The following TAP2 variants were observed in gnomAD, a reference collection of about 807,000 sequenced individuals.
TAP2 encodes transporter 2, ATP binding cassette subfamily B member, also known as antigen peptide transporter 2.
In TAP2, 49 loss-of-function variants were observed where a neutral mutation model predicts 74.7. The ratio of observed to expected loss-of-function variants is 0.66; its 90% CI spans 0.52 to 0.83. The LOEUF (loss-of-function observed/expected upper bound fraction) is 0.83, where lower values mean the gene tolerates loss of function less well. Among genes scored for constraint, TAP2 ranks in the 40% least tolerant of loss-of-function variants. TAP2 has a pLI of 0.00. For synonymous variants in TAP2, 306 were observed against 368.4 expected, an observed-to-expected ratio of 0.83 and a Z score of 1.94; for missense variants, 739 against 859.0, an observed-to-expected ratio of 0.86 and a Z score of 1.75.
chr6:32,826,937 G>C lies in TAP2; in HGVS notation c.*1969C>G, dbSNP rs1768689188. On this transcript the variant is annotated 3_prime_UTR_variant, in exon 12 of 12. Coordinates refer to ENST00000374897, the MANE Select transcript of TAP2 (RefSeq NM_001290043.2). ...ATGAATAAAGGACATTTGTGGGAGA[G>C]AAAGGAATCAGGCCAGAGTTCTTTC... The C allele has an allele frequency of 1.0e-6, 1 of 985,264 alleles. No homozygotes were observed. The highest frequency in any genetic ancestry group is 4.7e-5 in the South Asian group (1 of 21,288). The allele number at this position is 985,264 out of a possible 1,614,324, so 61.0% of individuals were successfully genotyped here. A position where few individuals can be genotyped will look rare whatever the true frequency, so the allele number is the denominator to read the frequency against.
Position 32,826,891 on chromosome 6 carries a change from A to T in TAP2, c.*2015T>A. 2 of 985,448 alleles carry T rather than the reference A, an allele frequency of 2.0e-6. No individual in the cohort carries two copies. The highest frequency in any genetic ancestry group is 2.4e-6 in the Non-Finnish European group (2 of 829,942). The allele number at this position is 985,448 out of a possible 1,614,324, so 61.0% of individuals were successfully genotyped here. ...CAGCTTCCATGTAGTTGGGAGATAC[A>T]GGAATTATTATTCCTGTTTTATGAA... On this transcript the variant is annotated 3_prime_UTR_variant, in exon 12 of 12. Transcript: ENST00000374897.
At position 32,827,910 on chromosome 6, in the gene TAP2, G is replaced by A; in HGVS notation, c.*996C>T. The A allele has an allele frequency of 1.0e-6, 1 of 960,026 alleles. No individual in the cohort carries two copies. The highest frequency in any genetic ancestry group is 1.2e-6 in the Non-Finnish European group (1 of 807,568). The allele number at this position is 960,026 out of a possible 1,614,324, so 59.5% of individuals were successfully genotyped here. A position where few individuals can be genotyped will look rare whatever the true frequency, so the allele number is the denominator to read the frequency against. Reference sequence around the variant, plus strand: ...GGTGATGGGATCATCTTAAGTCTATGAGTGAAGACTATAACAACGGGACTG... The same window carrying A: ...GGTGATGGGATCATCTTAAGTCTATAAGTGAAGACTATAACAACGGGACTG... On this transcript the variant is annotated 3_prime_UTR_variant, in exon 12 of 12. Transcript: ENST00000374897.
chr6:32,830,972 C>T (rs770457456), intron 7 of TAP2, among the ~76,000 whole-genome samples, 166 bp from the exon 8 acceptor site: 3 of 152,206 alleles, frequency 2.0e-5, no homozygotes, highest in Non-Finnish European at 4.4e-5. Flanking sequence ...AAAAGTGGCA[C>T]CAATACCCCA....
At chr6:32,822,314 G>C (rs533586406), downstream of TAP2, 15 of 1,522,934 alleles carry the variant, frequency 9.8e-6, no homozygotes, top group South Asian at 2.4e-5. Flanking sequence ...CTTCCAAAGG[G>C]TTTTCTAGAA....
Position 32,827,325 on chromosome 6 carries a change from T to C in TAP2, c.*1581A>G, listed in dbSNP as rs1022808426. The C allele has an allele frequency of 3.0e-6, 3 of 985,246 alleles. No homozygotes were observed. Among genetic ancestry groups the C allele is most frequent in the Non-Finnish European group, 3.6e-6 (3 of 829,800 alleles). The allele number at this position is 985,246 out of a possible 1,614,324, so 61.0% of individuals were successfully genotyped here. On this transcript the variant is annotated 3_prime_UTR_variant, in exon 12 of 12. Transcript: ENST00000374897. ...TAAGATTAGTACGATGGTGGAGATATTTATTCATTTATTCAATTGACTATT... is the reference window on the plus strand; with the variant it reads ...TAAGATTAGTACGATGGTGGAGATACTTATTCATTTATTCAATTGACTATT...
In TAP2 at chr6:32,828,681, A is replaced by ACACCCCCCCCCACC; in HGVS notation, c.*224_*225insGGTGGGGGGGGGTG. ...AGTTTCCTGGACACAGACAGCCCCC[A>ACACCCCCCCCCACC]CCCCACCCCACCCCACCTCTCTACC... is the stretch of plus-strand genomic sequence containing the variant. On this transcript the variant is annotated 3_prime_UTR_variant, in exon 12 of 12. Transcript: ENST00000374897. 1.6e-6 allele frequency: 1 copy of ACACCCCCCCCCACC among 606,174 alleles called. No individual in the cohort carries two copies. Among genetic ancestry groups the ACACCCCCCCCCACC allele is most frequent in the South Asian group, 6.1e-5 (1 of 16,484 alleles). The allele number at this position is 606,174 out of a possible 1,614,324, so 37.5% of individuals were successfully genotyped here.
downstream of TAP2, among the ~76,000 whole-genome samples, chr6:32,823,914 C>A (rs1768472576): frequency 6.6e-6 from 1 of 151,986 alleles, no homozygotes; most frequent in Admixed American, 6.6e-5. Context: ...TAGATAATTC[C>A]TATTAGTTTT....
Position 32,828,769 on chromosome 6 carries a change from C to T in TAP2, c.*137G>A. On this transcript the variant is annotated 3_prime_UTR_variant, in exon 12 of 12. Transcript: ENST00000374897. ...CTGCAACTCAGGAACAGCTATCTGG[C>T]CGCACAGCTCTAGGGAAACTCAAAG... The T allele has an allele frequency of 1.7e-6, 2 of 1,143,366 alleles. No homozygotes were observed. The highest frequency in any genetic ancestry group is 2.1e-5 in the South Asian group (1 of 48,250). 70.8% of individuals were successfully genotyped at this position (1,143,366 alleles called of 1,614,324 possible).
intron 8 of TAP2, 77 bp downstream of exon 8, chr6:32,830,541 G>C: frequency 1.9e-6 from 3 of 1,602,982 alleles, no homozygotes; most frequent in African/African-American, 1.3e-5. Context: ...AGAGGCAAAT[G>C]AACTATAGGC....
At chr6:32,837,441 T>A in intron 3 of TAP2, 96 bp downstream of exon 3, 1 of 993,582 alleles carries the variant, frequency 1.0e-6, no homozygotes, top group Non-Finnish European at 1.6e-6. Context: ...TATTTTTGTG[T>A]TTTGCGCCTG....
downstream of TAP2, among the ~76,000 whole-genome samples, chr6:32,822,916 AC>A (rs1768385943): frequency 9.2e-6 from 1 of 108,526 alleles, no homozygotes; most frequent in Non-Finnish European, 1.8e-5. Context: ...CTGTGTTCAT[AC>A]TTTTTTTTTT....
chr6:32,837,484 G>T, intron 3 of TAP2, 53 bp downstream of exon 3: 2 of 1,459,726 alleles, frequency 1.4e-6, no homozygotes, highest in Non-Finnish European at 1.9e-6. Flanking sequence ...GGGAAGTGAA[G>T]ACCCCTATAA....
In TAP2 at chr6:32,827,443, G is replaced by A; in HGVS notation, c.*1463C>T. The A allele has an allele frequency of 1.4e-6, 1 of 704,800 alleles. No individual in the cohort carries two copies. The highest frequency in any genetic ancestry group is 6.4e-5 in the South Asian group (1 of 15,548). 43.7% of individuals were successfully genotyped at this position (704,800 alleles called of 1,614,324 possible). A position where few individuals can be genotyped will look rare whatever the true frequency, so the allele number is the denominator to read the frequency against. On this transcript the variant is annotated 3_prime_UTR_variant, in exon 12 of 12. Coordinates refer to ENST00000374897, the MANE Select transcript of TAP2 (RefSeq NM_001290043.2). Reference sequence around the variant, plus strand: ...TCCGCCCAGGTGCTCATGGTCTAGTGGAAGGTCAAAAAAGGTGGGAAAGGG... The same window carrying A: ...TCCGCCCAGGTGCTCATGGTCTAGTAGAAGGTCAAAAAAGGTGGGAAAGGG...
At position 32,828,679 on chromosome 6, in the gene TAP2, C is replaced by CACCA; in HGVS notation, c.*226_*227insTGGT. 5.3e-6 allele frequency: 5 copies of CACCA among 948,124 alleles called. No homozygotes were observed. Among genetic ancestry groups the CACCA allele is most frequent in the Non-Finnish European group, 6.3e-6 (5 of 788,678 alleles). 58.7% of individuals were successfully genotyped at this position (948,124 alleles called of 1,614,324 possible). A position where few individuals can be genotyped will look rare whatever the true frequency, so the allele number is the denominator to read the frequency against. On this transcript the variant is annotated 3_prime_UTR_variant, in exon 12 of 12. Coordinates refer to ENST00000374897, the MANE Select transcript of TAP2 (RefSeq NM_001290043.2). ...TAAGTTTCCTGGACACAGACAGCCC[C>CACCA]CACCCCACCCCACCCCACCTCTCTA... is the stretch of plus-strand genomic sequence containing the variant.
chr6:32,830,567 T>C (rs766318037), intron 8 of TAP2, 51 bp downstream of exon 8: 8 of 1,611,064 alleles, frequency 5.0e-6, no homozygotes, highest in African/African-American at 1.3e-5. Context: ...TGTCCAATTA[T>C]GCATTAGCAG....
In TAP2 at chr6:32,832,467, AGAG is replaced by A. The variant is rs765408715; in HGVS notation, c.1144-9_1144-7del. ...TGCACCCCCAAGTGCAGCACCTGGA[AGAG>A]GAGAAGAAAGAGATGAGGCTGGGAA... On this transcript the variant is annotated splice_polypyrimidine_tract_variant and splice_region_variant and intron_variant, in intron 6 of 11. Coordinates refer to ENST00000374897, the MANE Select transcript of TAP2 (RefSeq NM_001290043.2). This position sits in a 1 kb window ranked among gnomAD's most constrained non-coding sequence, Gnocchi z 5.9. The A allele has an allele frequency of 5.0e-6, 8 of 1,612,222 alleles. 1 individual carries two copies. In the East Asian group the frequency reaches 6.7e-5, roughly 13 times the overall value.
chr6:32,837,487 C>A lies in TAP2; in HGVS notation c.608+50G>T, dbSNP rs767814582. 7 of 1,491,606 alleles carry A rather than the reference C, an allele frequency of 4.7e-6. No individual in the cohort carries two copies. In the African/African-American group the frequency reaches 9.7e-5, roughly 21 times the overall value. 92.4% of individuals were successfully genotyped at this position (1,491,606 alleles called of 1,614,324 possible). ...GAAATGGAGTTAGGGAAGTGAAGAC[C>A]CCTATAAAGATTTGGGGCTAGCAAA... On this transcript the variant is annotated intron_variant, in intron 3 of 11. Transcript: ENST00000374897.
In TAP2 at chr6:32,832,100, C is replaced by T. The variant is rs961700733; in HGVS notation, c.1272+233G>A. On this transcript the variant is annotated intron_variant, in intron 7 of 11. Transcript: ENST00000374897. This position sits in a 1 kb window ranked among gnomAD's most constrained non-coding sequence, Gnocchi z 5.9. ...GGGGAAGTGGCTGGGGATACAGATCCAACAAGATTGGGCATGAGTTGATCA... is the reference window on the plus strand; with the variant it reads ...GGGGAAGTGGCTGGGGATACAGATCTAACAAGATTGGGCATGAGTTGATCA... 2.0e-5 allele frequency among the ~76,000 whole-genome samples: 3 copies of T among 152,100 alleles called. No individual in the cohort carries two copies. The highest frequency in any genetic ancestry group is 4.4e-5 in the Non-Finnish European group (3 of 68,020).
rs767647613 is a variant in TAP2, at chr6:32,828,821, G to C, written c.*85C>G. 3.9e-5 allele frequency: 58 copies of C among 1,486,254 alleles called. No individual in the cohort carries two copies. The highest frequency in any genetic ancestry group is 4.9e-5 in the Non-Finnish European group (55 of 1,112,600). The allele number at this position is 1,486,254 out of a possible 1,614,324, so 92.1% of individuals were successfully genotyped here. On this transcript the variant is annotated 3_prime_UTR_variant, in exon 12 of 12. Transcript: ENST00000374897. ...AGGAACAGCTCTGGGTCCTGGAGAC[G>C]CCCCTGAGAAGAGGGCCCAGTATCC...
Sources: gnomAD v4.1 joint callset for allele counts (sites outside exome capture counted in the v4.1 genomes callset) on GRCh38, gnomAD v4.1.1 for gene constraint, Gnocchi (gnomAD v3.1) non-coding constraint, MANE v1.5 for transcripts, NCBI Gene and HGNC (gene_info 2026-07-23, HGNC 2026-07-21) for gene names.